The following TUBGCP4 variants were observed in gnomAD, a reference collection of about 807,000 sequenced individuals.
The protein encoded by TUBGCP4 is tubulin gamma complex component 4.
A neutral mutation model predicts 91.6 loss-of-function variants in TUBGCP4; 54 were observed. The ratio of observed to expected loss-of-function variants is 0.59; its 90% CI spans 0.47 to 0.74. The LOEUF (loss-of-function observed/expected upper bound fraction) is 0.74. Among genes scored for constraint, TUBGCP4 ranks in the 30% least tolerant of loss-of-function variants. The pLI is 0.00. For synonymous variants in TUBGCP4, 297 were observed against 302.8 expected (o/e 0.98, Z 0.20); for missense variants, 593 against 800.9 (o/e 0.74, Z 3.13).
chr15:43,404,371 G>A, intron 16 of TUBGCP4, 42 bp from the exon 17 acceptor site: 1 of 1,611,360 alleles, frequency 6.2e-7, no homozygotes. Context: ...TGGAGAGTTG[G>A]TGAGCTGAAG....
chr15:43,384,529 G>A (rs2044328135), intron 7 of TUBGCP4, among the ~76,000 whole-genome samples: 1 of 152,158 alleles, frequency 6.6e-6, no homozygotes, highest in Non-Finnish European at 1.5e-5. Flanking sequence ...TAAGGACATG[G>A]TTCATTTGGG....
At position 43,376,757 on chromosome 15, in the gene TUBGCP4, T is replaced by C. The variant is rs1278480641; in HGVS notation, c.330+132T>C. On this transcript the variant is annotated intron_variant, in intron 3 of 17. Coordinates refer to ENST00000564079, the MANE Select transcript of TUBGCP4 (RefSeq NM_014444.5). ...GCCTGCATGGCTGGAAGGTACAGTG[T>C]TCTCTCAGTGATTGCCCAACCTGTG... is the stretch of plus-strand genomic sequence containing the variant. The C allele has an allele frequency of 6.1e-6, 8 of 1,312,786 alleles. No individual in the cohort carries two copies. In the Admixed American group the frequency reaches 1.7e-4, roughly 28 times the overall value. The allele number at this position is 1,312,786 out of a possible 1,614,324, so 81.3% of individuals were successfully genotyped here.
In TUBGCP4 at chr15:43,407,266, T is replaced by TAA. The variant is rs1379980617; in HGVS notation, c.*2055_*2056dup. 1 of 830,854 alleles carries TAA rather than the reference T, an allele frequency of 1.2e-6. No homozygotes were observed. The highest frequency in any genetic ancestry group is 1.9e-6 in the Non-Finnish European group (1 of 529,422). 51.5% of individuals were successfully genotyped at this position (830,854 alleles called of 1,614,324 possible). On this transcript the variant is annotated 3_prime_UTR_variant, in exon 18 of 18. Coordinates refer to ENST00000564079, the MANE Select transcript of TUBGCP4 (RefSeq NM_014444.5). Reference sequence around the variant, plus strand: ...TATTTTATCATAAAAGTTCAGCAAATAAAACTATATACAAGATCCATGCAA... The same window carrying TAA: ...TATTTTATCATAAAAGTTCAGCAAATAAAAAACTATATACAAGATCCATGCAA...
intron 9 of TUBGCP4, among the ~76,000 whole-genome samples, chr15:43,388,492 C>A (rs1595488208): frequency 6.6e-6 from 1 of 152,178 alleles, no homozygotes; most frequent in East Asian, 1.9e-4. Flanking sequence ...TAAGACATTG[C>A]TTCAACCCCG....
intron 9 of TUBGCP4, among the ~76,000 whole-genome samples, chr15:43,392,621 C>T (rs916339085): frequency 6.6e-6 from 1 of 152,136 alleles, no homozygotes; most frequent in African/African-American, 2.4e-5. Flanking sequence ...GCCTCAGCCT[C>T]CTGAGTAGCT....
intron 9 of TUBGCP4, among the ~76,000 whole-genome samples, chr15:43,386,745 A>AAAAAAAT (rs1555394895): frequency 5.2e-4 from 78 of 151,404 alleles, no homozygotes; most frequent in African/African-American, 1.9e-3. Context: ...AAAAAAAAAA[A>AAAAAAAT]AAAAGACACT....
In TUBGCP4 at chr15:43,406,697, C is replaced by CAATAAT. The variant is rs201419832; in HGVS notation, c.*1497_*1502dup. 3.5e-5 allele frequency: 15 copies of CAATAAT among 433,202 alleles called. No individual in the cohort carries two copies. Among genetic ancestry groups the CAATAAT allele is most frequent in the African/African-American group, 2.9e-4 (14 of 48,588 alleles). The allele number at this position is 433,202 out of a possible 1,614,324, so 26.8% of individuals were successfully genotyped here. On this transcript the variant is annotated 3_prime_UTR_variant, in exon 18 of 18. Coordinates refer to ENST00000564079, the MANE Select transcript of TUBGCP4 (RefSeq NM_014444.5). ...AAGGAACTGCTTCCAGCTATTGTGA[C>CAATAAT]AATAATAATAATAATAATATTGGGT... is the stretch of plus-strand genomic sequence containing the variant.
rs1458304516 is a variant in TUBGCP4 at position 43,408,006 on chromosome 15, C to G, written c.*2792C>G. On this transcript the variant is annotated 3_prime_UTR_variant, in exon 18 of 18. Coordinates refer to ENST00000564079, the MANE Select transcript of TUBGCP4 (RefSeq NM_014444.5). ...GCTGCACCACCAGTCATGAGGATCT[C>G]AGACCAGAGCTCCAGGAAGTTCTGC... 1.7e-5 allele frequency: 28 copies of G among 1,613,980 alleles called. No homozygotes were observed. Among genetic ancestry groups the G allele is most frequent in the Non-Finnish European group, 2.4e-5 (28 of 1,180,032 alleles).
At position 43,398,162 on chromosome 15, in the gene TUBGCP4, C is replaced by T. The variant is rs1460811064; in HGVS notation, c.1401C>T (p.Thr467=). 2 of 1,612,424 alleles carry T rather than the reference C, an allele frequency of 1.2e-6. No individual in the cohort carries two copies. The highest frequency in any genetic ancestry group is 2.2e-5 in the East Asian group (1 of 44,872). ...AGTGGCCACTACATATTCTCTTCAC[C>T]CCAGCTGTCCTGGAAAAGTGAGTAT... is the stretch of plus-strand genomic sequence containing the variant. The part of the protein sequence containing the change: ...KVQWPLHILF[T]PAVLEKYNVV... Residue 467 remains threonine, a synonymous_variant, in exon 13 of 18, where the codon ACC becomes ACT. Transcript: ENST00000564079.
chr15:43,407,337 C>CA lies in TUBGCP4; in HGVS notation c.*2125dup, dbSNP rs767657427. ...ACACATTTAAAACCTGGTTAAAACA[C>CA]AATCTCCACGATAGCAGGGAATAAA... On this transcript the variant is annotated 3_prime_UTR_variant, in exon 18 of 18. Transcript: ENST00000564079. 14 of 1,570,162 alleles carry CA rather than the reference C, an allele frequency of 8.9e-6. 1 individual carries two copies. In the South Asian group the frequency reaches 1.6e-4, roughly 18 times the overall value.
Position 43,409,177 on chromosome 15 carries a change from G to C in TUBGCP4, c.*3963G>C. ...AGCAGCAGCCATAATGAGCCATGAA[G>C]AGCAGATCTGAAGACTCCCAACTAC... On this transcript the variant is annotated 3_prime_UTR_variant, in exon 18 of 18. Transcript: ENST00000564079. 1 of 1,351,162 alleles carries C rather than the reference G, an allele frequency of 7.4e-7. No homozygotes were observed. The highest frequency in any genetic ancestry group is 1.0e-6 in the Non-Finnish European group (1 of 956,516). The allele number at this position is 1,351,162 out of a possible 1,614,324, so 83.7% of individuals were successfully genotyped here.
At chr15:43,397,912 G>A in intron 12 of TUBGCP4, 129 bp from the exon 13 acceptor site, 1 of 898,920 alleles carries the variant, frequency 1.1e-6, no homozygotes, top group Non-Finnish European at 1.7e-6. Context: ...GGGTTTCACT[G>A]TATTGCCCAG....
intron 7 of TUBGCP4, among the ~76,000 whole-genome samples, chr15:43,384,600 A>G (rs1372065566): frequency 6.6e-6 from 1 of 152,194 alleles, no homozygotes; most frequent in Non-Finnish European, 1.5e-5. Flanking sequence ...GTTACAAGAG[A>G]TGGTGTGAGG....
rs1595496965 is a variant in TUBGCP4, at chr15:43,398,138, G to T, written c.1377G>T (p.Gln459His). 6.2e-7 allele frequency: 1 copy of T among 1,614,082 alleles called. No individual in the cohort carries two copies. The highest frequency in any genetic ancestry group is 8.5e-7 in the Non-Finnish European group (1 of 1,179,976). The change falls in exon 13 of 18, where the codon CAG becomes CAT. Residue 459 changes from glutamine (Q) to histidine (H), a missense_variant. Gln to His is a conservative substitution (Grantham distance 24, BLOSUM62 0). Coordinates refer to ENST00000564079, the MANE Select transcript of TUBGCP4 (RefSeq NM_014444.5). ...WAALGLSYKVQWPLHILFTPA... is the reference protein window; with the variant it reads ...WAALGLSYKVHWPLHILFTPA... ...CCCTAGGTCTTTCCTACAAAGTACA[G>T]TGGCCACTACATATTCTCTTCACCC...
chr15:43,390,100 T>A (rs554040878), intron 9 of TUBGCP4, among the ~76,000 whole-genome samples: 2 of 152,222 alleles, frequency 1.3e-5, no homozygotes, highest in South Asian at 2.1e-4. Context: ...CATGTCACTA[T>A]GAAATAAGAC....
rs1173303623 is a variant in TUBGCP4, at chr15:43,371,329, C to T, written c.-26C>T. On this transcript the variant is annotated 5_prime_UTR_variant, in exon 1 of 18. Coordinates refer to ENST00000564079, the MANE Select transcript of TUBGCP4 (RefSeq NM_014444.5). ...TGCGCTGGAGGAGGGGGTGACATAA[C>T]CAGGGACTCGAGGTCCGCCGTGGGA... 1 of 1,611,058 alleles carries T rather than the reference C, an allele frequency of 6.2e-7. No homozygotes were observed. The highest frequency in any genetic ancestry group is 8.5e-7 in the Non-Finnish European group (1 of 1,178,616).
At chr15:43,399,728 G>A (rs2044636463) in intron 13 of TUBGCP4, among the ~76,000 whole-genome samples, 1 of 152,142 alleles carries the variant, frequency 6.6e-6, no homozygotes, top group South Asian at 2.1e-4. Context: ...TTGAATATGA[G>A]AAGCAACACG....
intron 11 of TUBGCP4, among the ~76,000 whole-genome samples, chr15:43,396,251 C>A (rs1595495515): frequency 6.6e-6 from 1 of 152,178 alleles, no homozygotes; most frequent in South Asian, 2.1e-4. Flanking sequence ...AACCCAGTCC[C>A]TCTTGTTGCA....
chr15:43,395,594 CTT>C lies in TUBGCP4; in HGVS notation c.1080_1081del (p.Phe360LeufsTer14), dbSNP rs1566899184. Reference protein sequence around the residue: ...LLGQLKIIKDFYLLGRGELFQ... With the variant: ...LLGQLKIIKDXYLLGRGELFQ... ...AATTCTTTCCTCAGATCATTAAAGACTTTTACCTTCTGGGACGTGGAGAACTG... is the reference window on the plus strand; with the variant it reads ...AATTCTTTCCTCAGATCATTAAAGACTTACCTTCTGGGACGTGGAGAACTG... On this transcript the variant is annotated frameshift_variant, in exon 11 of 18. Transcript: ENST00000564079. LOFTEE classifies it high-confidence loss of function. 6.2e-7 allele frequency: 1 copy of C among 1,613,848 alleles called. No homozygotes were observed. The highest frequency in any genetic ancestry group is 8.5e-7 in the Non-Finnish European group (1 of 1,179,754).
Sources: allele counts gnomAD v4.1 joint callset (sites outside exome capture counted in the v4.1 genomes callset), GRCh38; gene constraint gnomAD v4.1.1; transcripts MANE v1.5; gene names NCBI Gene and HGNC (gene_info 2026-07-23, HGNC 2026-07-21).